APPBP2: variants seen among roughly 807,000 people sequenced by gnomAD.
APPBP2 encodes amyloid protein-binding protein 2.
APPBP2 carries 15 observed loss-of-function variants against 76.0 expected under a neutral mutation model. The observed-to-expected ratio is 0.20, with a 90% CI of 0.13 to 0.30. APPBP2 has a LOEUF of 0.30. Among genes scored for constraint, APPBP2 ranks in the 10% least tolerant of loss-of-function variants. APPBP2 has a pLI of 1.00. For missense variants in APPBP2, 401 were observed against 687.2 expected (o/e 0.58, Z 4.66); for synonymous variants, 222 against 242.2 (o/e 0.92, Z 0.77).
At position 60,518,358 on chromosome 17, in the gene APPBP2, C is replaced by CGTGT. The variant is rs59428194; in HGVS notation, c.138+7432_138+7435dup. Among the ~76,000 whole-genome samples, 458 of 89,070 alleles carry CGTGT rather than the reference C, an allele frequency of 5.1e-3. 8 individuals carry two copies. Among genetic ancestry groups the CGTGT allele is most frequent in the South Asian group, 0.014 (36 of 2,532 alleles). 58.4% of individuals were successfully genotyped at this position (89,070 alleles called of 152,430 possible). On this transcript the variant is annotated intron_variant, in intron 1 of 12. Transcript: ENST00000083182. ...TACCATGCCCAGCCGTGTGTGCGTGCGTGTGTGTGTGTGTGTGTGTGTGTG... is the reference window on the plus strand; with the variant it reads ...TACCATGCCCAGCCGTGTGTGCGTGCGTGTGTGTGTGTGTGTGTGTGTGTGTGTG...
chr17:60,458,286 T>C (rs947532761), intron 9 of APPBP2, among the ~76,000 whole-genome samples: 23 of 151,874 alleles, frequency 1.5e-4, no homozygotes, highest in African/African-American at 5.3e-4. Flanking sequence ...ATACAAAAAT[T>C]AGCCAGGTGT....
Position 60,461,884 on chromosome 17 carries a change from A to C in APPBP2, c.862T>G (p.Ser288Ala), listed in dbSNP as rs777310565. The change falls in exon 8 of 13, where the codon TCT becomes GCT. Residue 288 changes from serine (S) to alanine (A), a missense_variant. This residue lies in a region of APPBP2 where 130 missense variants were observed against 322.7 expected (regional missense o/e 0.40). Coordinates refer to ENST00000083182, the MANE Select transcript of APPBP2 (RefSeq NM_006380.5). ...DHFGSKHPKY[S>A]DTLLDYGFYL... ...AACCCATAATCTAGCAGTGTATCAG[A>C]ATATTTTGGGTGTTTGGATCCAAAA... is the stretch of plus-strand genomic sequence containing the variant. 1.2e-6 allele frequency: 2 copies of C among 1,613,488 alleles called. No individual in the cohort carries two copies. The highest frequency in any genetic ancestry group is 2.2e-5 in the South Asian group (2 of 90,976).
chr17:60,521,458 A>T (rs1022151144), intron 1 of APPBP2, among the ~76,000 whole-genome samples: 1 of 152,236 alleles, frequency 6.6e-6, no homozygotes, highest in Non-Finnish European at 1.5e-5. Flanking sequence ...CATTCACGGT[A>T]AGTGCCCTAT....
intron 1 of APPBP2, among the ~76,000 whole-genome samples, chr17:60,519,034 C>A (rs57146037): frequency 6.6e-6 from 1 of 152,130 alleles, no homozygotes; most frequent in Non-Finnish European, 1.5e-5. Flanking sequence ...TCACAGCTCA[C>A]TGAGCGGCCT....
At position 60,525,787 on chromosome 17, in the gene APPBP2, CG is replaced by C; in HGVS notation, c.138+6del. On this transcript the variant is annotated splice_donor_region_variant and intron_variant, in intron 1 of 12. Transcript: ENST00000083182. ...AGGAGAGCAGAGAGGAGGCCCACGG[CG>C]CATACCTTGTAGTAAACATCAAACT... is the stretch of plus-strand genomic sequence containing the variant. The C allele has an allele frequency of 6.2e-7, 1 of 1,612,730 alleles. No individual in the cohort carries two copies. The highest frequency in any genetic ancestry group is 8.5e-7 in the Non-Finnish European group (1 of 1,179,766).
intron 1 of APPBP2, among the ~76,000 whole-genome samples, chr17:60,512,041 A>G (rs1311524371): frequency 6.6e-6 from 1 of 151,990 alleles, no homozygotes; most frequent in Admixed American, 6.6e-5. Context: ...GCTCTTCTAC[A>G]TTTATTGAAG....
intron 1 of APPBP2, among the ~76,000 whole-genome samples, chr17:60,517,050 G>A (rs1048003642): frequency 2.0e-5 from 3 of 152,054 alleles, no homozygotes; most frequent in African/African-American, 7.2e-5. Context: ...ATCTCAGCTC[G>A]CTGCAGCCTC....
chr17:60,474,534 A>G (rs552288356), intron 4 of APPBP2, among the ~76,000 whole-genome samples: 1 of 152,298 alleles, frequency 6.6e-6, no homozygotes, highest in African/African-American at 2.4e-5. Context: ...TCCTGACATC[A>G]GCACTAACTG....
intron 4 of APPBP2, chr17:60,477,537 A>G (rs547843084): frequency 6.6e-6 from 1 of 152,146 alleles, no homozygotes; most frequent in East Asian, 1.9e-4. Flanking sequence ...GAAGAGGGGG[A>G]AAAAAATGAG....
At chr17:60,491,002 G>T (rs937658613) in intron 3 of APPBP2, among the ~76,000 whole-genome samples, 1 of 152,176 alleles carries the variant, frequency 6.6e-6, no homozygotes, top group Non-Finnish European at 1.5e-5. Context: ...CCAGCAGAGT[G>T]GGGAGCTGCT....
intron 10 of APPBP2, among the ~76,000 whole-genome samples, chr17:60,456,015 TG>T (rs1465636292): frequency 1.3e-5 from 2 of 152,172 alleles, no homozygotes; most frequent in Non-Finnish European, 2.9e-5. Flanking sequence ...TGACCTCAGG[TG>T]ATCTGCCTGC....
intron 2 of APPBP2, chr17:60,496,320 T>C (rs1201965192): frequency 6.6e-6 from 1 of 152,214 alleles, no homozygotes; most frequent in Non-Finnish European, 1.5e-5. Context: ...AAAAAAAACC[T>C]TTTAAACAAA....
chr17:60,486,521 C>CA (rs1555633542), intron 3 of APPBP2, among the ~76,000 whole-genome samples: 4 of 151,848 alleles, frequency 2.6e-5, no homozygotes, highest in Admixed American at 6.6e-5. Flanking sequence ...GCAACCCCTG[C>CA]TTTTTTTTGC....
chr17:60,453,052 G>T (rs1033429956), intron 11 of APPBP2, among the ~76,000 whole-genome samples: 2 of 152,102 alleles, frequency 1.3e-5, no homozygotes, highest in African/African-American at 4.8e-5. Context: ...CATGTGCCAG[G>T]CATTCTGCTA....
At chr17:60,509,415 T>G (rs1222755111) in intron 1 of APPBP2, among the ~76,000 whole-genome samples, 1 of 152,000 alleles carries the variant, frequency 6.6e-6, no homozygotes, top group African/African-American at 2.4e-5. Context: ...AACTGAAAAT[T>G]TGAACAGTGA....
intron 12 of APPBP2, among the ~76,000 whole-genome samples, chr17:60,448,173 T>A (rs1239249106): frequency 6.6e-6 from 1 of 152,232 alleles, no homozygotes; most frequent in Admixed American, 6.5e-5. Flanking sequence ...CCAGTCATGG[T>A]GGCTCACACC....
At chr17:60,504,028 T>C (rs1387663982) in intron 1 of APPBP2, among the ~76,000 whole-genome samples, 1 of 152,160 alleles carries the variant, frequency 6.6e-6, no homozygotes, top group African/African-American at 2.4e-5. Flanking sequence ...GATGGAAGAT[T>C]TAAAGGTTAA....
intron 1 of APPBP2, among the ~76,000 whole-genome samples, chr17:60,516,446 G>C (rs530043219): frequency 5.1e-4 from 77 of 152,062 alleles, no homozygotes; most frequent in Non-Finnish European, 9.3e-4. Context: ...CATGAACCAA[G>C]GGTTATAAAG....
At chr17:60,500,176 A>G (rs2090811265) in intron 2 of APPBP2, among the ~76,000 whole-genome samples, 2 of 151,932 alleles carry the variant, frequency 1.3e-5, no homozygotes, top group South Asian at 2.1e-4. Flanking sequence ...ACGCCCAGCT[A>G]ATTTTTTGTA....
Sources: allele counts gnomAD v4.1 joint callset (sites outside exome capture counted in the v4.1 genomes callset), GRCh38; gene constraint gnomAD v4.1.1; regional missense constraint gnomAD v4.1.1; transcripts MANE v1.5; gene names NCBI Gene and HGNC (gene_info 2026-07-23, HGNC 2026-07-21).